HMCN1: variants seen among roughly 807,000 people sequenced by gnomAD.
The protein encoded by HMCN1 is hemicentin-1.
In HMCN1, 321 loss-of-function variants were observed where a neutral mutation model predicts 625.9. The observed-to-expected ratio is 0.51, with a 90% CI of 0.47 to 0.56. The LOEUF (loss-of-function observed/expected upper bound fraction) is 0.56, where lower values mean the gene tolerates loss of function less well. Among genes scored for constraint, HMCN1 ranks in the 20% least tolerant of loss-of-function variants. The pLI, the probability that HMCN1 is intolerant of heterozygous loss-of-function variation, is 0.00. For missense variants in HMCN1, 6,588 were observed against 6,887.3 expected (o/e 0.96, Z 1.54); for synonymous variants, 2,425 against 2,417.6 (o/e 1.00, Z -0.09).
intron 36 of HMCN1, among the ~76,000 whole-genome samples, chr1:186,026,944 T>G (rs533615853): frequency 6.6e-6 from 1 of 152,312 alleles, no homozygotes; most frequent in South Asian, 2.1e-4. Flanking sequence ...CCAGGTTTTT[T>G]TTTTAATCTC....
At chr1:185,885,422 G>A (rs1664584526) in intron 4 of HMCN1, among the ~76,000 whole-genome samples, 1 of 151,712 alleles carries the variant, frequency 6.6e-6, no homozygotes, top group Non-Finnish European at 1.5e-5. Flanking sequence ...TGAATAATAT[G>A]ATCCAATTAT....
At chr1:186,058,193 G>T (rs1657468864) in intron 46 of HMCN1, among the ~76,000 whole-genome samples, 1 of 151,912 alleles carries the variant, frequency 6.6e-6, no homozygotes, top group African/African-American at 2.4e-5. Flanking sequence ...GCTAATTTAT[G>T]ATCTCTTTGC....
intron 1 of HMCN1, among the ~76,000 whole-genome samples, chr1:185,770,391 A>C (rs1656159302): frequency 1.3e-5 from 2 of 152,230 alleles, no homozygotes; most frequent in African/African-American, 4.8e-5. Context: ...GAAAATATAA[A>C]GTGTGCTGTA....
At chr1:185,743,615 A>G (rs1214706873) in intron 1 of HMCN1, among the ~76,000 whole-genome samples, 1 of 152,230 alleles carries the variant, frequency 6.6e-6, no homozygotes, top group Non-Finnish European at 1.5e-5. Flanking sequence ...TCCATGTTGT[A>G]AGTGTTCTCA....
chr1:186,088,034 C>G (rs755232532), intron 61 of HMCN1, 21 bp downstream of exon 61: 8 of 1,611,852 alleles, frequency 5.0e-6, no homozygotes, highest in Non-Finnish European at 6.8e-6. Context: ...GCCTCTAATA[C>G]AACTCTTTTT....
At chr1:185,887,839 G>A (rs1310453018) in intron 4 of HMCN1, among the ~76,000 whole-genome samples, 3 of 140,032 alleles carry the variant, frequency 2.1e-5, no homozygotes, top group Non-Finnish European at 4.7e-5. Flanking sequence ...GGGATGGCTG[G>A]GTCAAATGGT....
chr1:186,050,166 G>GA lies in HMCN1; in HGVS notation c.6577+1335dup, dbSNP rs1359595852. On this transcript the variant is annotated intron_variant, in intron 42 of 106. Transcript: ENST00000271588. Reference sequence around the variant, plus strand: ...GCTAAGTGTTATCAAGTAAAGATGAGAAAAAAAAGAGAGAAAAAAGAAAAA... The same window carrying GA: ...GCTAAGTGTTATCAAGTAAAGATGAGAAAAAAAAAGAGAGAAAAAAGAAAAA... Among the ~76,000 whole-genome samples the GA allele has an allele frequency of 2.7e-5, 4 of 150,402 alleles. 1 individual carries two copies. The highest frequency in any genetic ancestry group is 4.2e-4 in the South Asian group (2 of 4,734).
At chr1:186,123,443 A>G (rs2102496544) in intron 81 of HMCN1, among the ~76,000 whole-genome samples, 1 of 152,208 alleles carries the variant, frequency 6.6e-6, no homozygotes, top group Middle Eastern at 3.4e-3. Context: ...AGATTTTATT[A>G]ATATTGCCAG....
chr1:185,738,737 T>A (rs1653772056), intron 1 of HMCN1, among the ~76,000 whole-genome samples: 1 of 152,230 alleles, frequency 6.6e-6, no homozygotes, highest in Non-Finnish European at 1.5e-5. Flanking sequence ...TATTATTATT[T>A]GAAAATTTCA....
chr1:186,189,654 G>A lies in HMCN1; in HGVS notation c.16684G>A (p.Val5562Met). The A allele has an allele frequency of 6.2e-7, 1 of 1,612,264 alleles. No homozygotes were observed. Among genetic ancestry groups the A allele is most frequent in the Non-Finnish European group, 8.5e-7 (1 of 1,178,826 alleles). Residue 5562 changes from valine to methionine, a missense_variant, in exon 107 of 107, where the codon GTG (valine) becomes ATG (methionine). By Grantham distance (21) the Val-to-Met change is conservative. Transcript: ENST00000271588. ...IRLVAYTQDG[V>M]MHPRTTFLMV... is the part of the protein sequence containing the mutation. ...GCTGGTTGCATACACACAGGATGGA[G>A]TGATGCATCCCAGGACAACTTTCCT...
At chr1:185,887,700 T>C (rs1174409713) in intron 4 of HMCN1, among the ~76,000 whole-genome samples, 8 of 143,326 alleles carry the variant, frequency 5.6e-5, no homozygotes, top group Non-Finnish European at 9.0e-5. Flanking sequence ...CTTAATCCAG[T>C]CTATCATTGT....
In HMCN1 at chr1:186,152,675, T is replaced by G; in HGVS notation, c.14897-75T>G. ...CTCAAAAAGCATAGCTGAACTGGTA[T>G]GTAAGGTAAATCTGCTCTGTGCTTA... On this transcript the variant is annotated intron_variant, in intron 95 of 106. Transcript: ENST00000271588. 1.9e-6 allele frequency: 3 copies of G among 1,578,710 alleles called. No homozygotes were observed. The South Asian group carries it at 3.3e-5, about 18-fold the overall frequency.
chr1:186,115,115 A>C, intron 74 of HMCN1, 143 bp from the exon 75 acceptor site: 1 of 1,335,814 alleles, frequency 7.5e-7, no homozygotes, highest in Non-Finnish European at 1.1e-6. Flanking sequence ...ATATCATCAC[A>C]GCACTATTAA....
intron 4 of HMCN1, among the ~76,000 whole-genome samples, chr1:185,873,976 G>A (rs547631605): frequency 1.3e-5 from 2 of 151,994 alleles, no homozygotes; most frequent in Non-Finnish European, 2.9e-5. Context: ...GCTAAACACA[G>A]CAGGTACATA....
rs374516199 is a variant in HMCN1 at position 186,125,809 on chromosome 1, C to A, written c.12690+15C>A. ...AAAATGTTGTGGTAAGTTTAATGGA[C>A]GTGAACAGATACATTAAGCCAGATT... is the stretch of plus-strand genomic sequence containing the variant. On this transcript the variant is annotated intron_variant, in intron 82 of 106. Coordinates refer to ENST00000271588, the MANE Select transcript of HMCN1 (RefSeq NM_031935.3). 3.1e-6 allele frequency: 5 copies of A among 1,592,648 alleles called. No homozygotes were observed. The highest frequency in any genetic ancestry group is 3.4e-6 in the Non-Finnish European group (4 of 1,161,154).
chr1:186,094,863 A>G (rs529959332), intron 67 of HMCN1, among the ~76,000 whole-genome samples: 1 of 152,290 alleles, frequency 6.6e-6, no homozygotes, highest in South Asian at 2.1e-4. Context: ...CTTTATTGTA[A>G]TCTACAAATG....
chr1:186,009,701 TAAAAG>T (rs1364413300), intron 30 of HMCN1, among the ~76,000 whole-genome samples: 2 of 151,246 alleles, frequency 1.3e-5, no homozygotes, highest in South Asian at 2.1e-4. Flanking sequence ...AAGAGAAAAA[TAAAAG>T]AGATGGAGGA....
intron 8 of HMCN1, among the ~76,000 whole-genome samples, chr1:185,924,300 G>A (rs917767201): frequency 7.5e-6 from 1 of 133,092 alleles, no homozygotes; most frequent in Admixed American, 9.3e-5. Flanking sequence ...GCGCGATCTC[G>A]GCTCACTGCA....
chr1:185,961,058 G>A (rs913576032), intron 11 of HMCN1, among the ~76,000 whole-genome samples: 1 of 151,898 alleles, frequency 6.6e-6, no homozygotes, highest in Non-Finnish European at 1.5e-5. Flanking sequence ...TTCATGGACC[G>A]GAAAAAATCC....
Sources: gnomAD v4.1 joint callset for allele counts (sites outside exome capture counted in the v4.1 genomes callset) on GRCh38, gnomAD v4.1.1 for gene constraint, MANE v1.5 for transcripts, NCBI Gene and HGNC (gene_info 2026-07-23, HGNC 2026-07-21) for gene names.